Variants in CSMD1 observed in about 807,000 individuals in gnomAD.
The protein encoded by CSMD1 is CUB and Sushi multiple domains 1.
Under a neutral mutation model 417.5 loss-of-function variants are expected in CSMD1, and 213 were observed. The observed-to-expected ratio is 0.51, with a 90% CI of 0.46 to 0.57. CSMD1 has a LOEUF of 0.57. Among genes scored for constraint, CSMD1 ranks in the 20% least tolerant of loss-of-function variants. The pLI is 0.00. For synonymous variants in CSMD1, 2,862 were observed against 1,736.8 expected (o/e 1.65, Z -16.11); for missense variants, 6,923 against 4,529.7 (o/e 1.53, Z -15.17).
chr8:4,405,891 C>A (rs1398035730), intron 3 of CSMD1, among the ~76,000 whole-genome samples: 5 of 152,144 alleles, frequency 3.3e-5, no homozygotes, highest in African/African-American at 1.2e-4. Context: ...TATTTTTGGT[C>A]AATCCTAATA....
intron 5 of CSMD1, among the ~76,000 whole-genome samples, chr8:3,903,956 A>G (rs867445127): frequency 6.6e-6 from 1 of 152,004 alleles, no homozygotes; most frequent in Admixed American, 6.6e-5. Flanking sequence ...CATTTGGATT[A>G]AACCTGGAAT....
chr8:3,804,337 T>A (rs932530243), intron 5 of CSMD1, among the ~76,000 whole-genome samples: 5 of 152,146 alleles, frequency 3.3e-5, no homozygotes, highest in Non-Finnish European at 5.9e-5. Flanking sequence ...CTCTAATGCG[T>A]CTTAAAAGAA....
At chr8:4,550,039 A>G (rs79872218) in intron 2 of CSMD1, among the ~76,000 whole-genome samples, 2,571 of 152,038 alleles carry the variant, frequency 0.017, 32 homozygotes, top group Non-Finnish European at 0.028. Context: ...TGGCTGCAGC[A>G]TTCCTTTTTG....
intron 2 of CSMD1, among the ~76,000 whole-genome samples, chr8:4,614,703 A>G (rs1256237574): frequency 6.6e-6 from 1 of 152,164 alleles, no homozygotes; most frequent in Non-Finnish European, 1.5e-5. Context: ...CACACCATTC[A>G]TGGAACGAAC....
At chr8:4,768,893 G>T (rs1011531292) in intron 1 of CSMD1, among the ~76,000 whole-genome samples, 15 of 152,162 alleles carry the variant, frequency 9.9e-5, no homozygotes, top group African/African-American at 3.6e-4. Context: ...TTTCCTAGCC[G>T]AGTCTTCCAG....
At chr8:4,220,648 C>G (rs1360485942) in intron 3 of CSMD1, among the ~76,000 whole-genome samples, 3 of 152,098 alleles carry the variant, frequency 2.0e-5, no homozygotes, top group Non-Finnish European at 4.4e-5. Flanking sequence ...GGAATCAACA[C>G]AATTTGAAGA....
At chr8:3,068,587 G>T (rs934605030) in intron 49 of CSMD1, among the ~76,000 whole-genome samples, 1 of 152,220 alleles carries the variant, frequency 6.6e-6, no homozygotes, top group African/African-American at 2.4e-5. Flanking sequence ...GGCTGTACGG[G>T]AAACAAGGTG....
intron 3 of CSMD1, among the ~76,000 whole-genome samples, chr8:4,152,135 A>T (rs1796600539): frequency 6.6e-6 from 1 of 152,204 alleles, no homozygotes; most frequent in South Asian, 2.1e-4. Context: ...AAAAATATCA[A>T]CGATAATTGT....
At chr8:3,400,346 C>T (rs771998431) in intron 15 of CSMD1, among the ~76,000 whole-genome samples, 9 of 151,936 alleles carry the variant, frequency 5.9e-5, no homozygotes, top group African/African-American at 9.6e-5. Flanking sequence ...AAATAAAGTA[C>T]GTGAAAATAC....
rs561365944 is a variant in CSMD1, at chr8:3,750,107, T to A, written c.931+3823A>T. On this transcript the variant is annotated intron_variant, in intron 6 of 69. Transcript: ENST00000635120. The stretch of plus-strand genomic sequence containing the variant: ...TTAGTTGCTTTGGGCTGGGGAGGCA[T>A]TGAATATGAGGAAGGCTAGGAACCA... Among the ~76,000 whole-genome samples the A allele has an allele frequency of 3.9e-5, 6 of 152,268 alleles. No homozygotes were observed. In the East Asian group the frequency reaches 9.7e-4, roughly 25 times the overall value.
At chr8:3,892,269 A>G (rs1215650205) in intron 5 of CSMD1, among the ~76,000 whole-genome samples, 1 of 152,208 alleles carries the variant, frequency 6.6e-6, no homozygotes, top group African/African-American at 2.4e-5. Flanking sequence ...TCAATAATCC[A>G]GCACAAAGAA....
At chr8:4,846,261 A>G in intron 1 of CSMD1, among the ~76,000 whole-genome samples, 1 of 152,180 alleles carries the variant, frequency 6.6e-6, no homozygotes, top group East Asian at 1.9e-4. Flanking sequence ...AAATTTGGAA[A>G]TGTGTGAAGT....
chr8:3,180,624 T>C (rs1821262547), intron 37 of CSMD1, among the ~76,000 whole-genome samples: 1 of 152,072 alleles, frequency 6.6e-6, no homozygotes, highest in Admixed American at 6.6e-5. Flanking sequence ...TCTCATAATG[T>C]ATATTTCTTT....
At chr8:3,131,628 T>A (rs373037936) in intron 41 of CSMD1, among the ~76,000 whole-genome samples, 32 of 152,186 alleles carry the variant, frequency 2.1e-4, no homozygotes, top group African/African-American at 7.2e-4. Flanking sequence ...CCTGCCACCA[T>A]GCCCAGCTAC....
At position 4,714,821 on chromosome 8, in the gene CSMD1, T is replaced by C. The variant is rs141030802; in HGVS notation, c.86-77263A>G. On this transcript the variant is annotated intron_variant, in intron 1 of 69. Coordinates refer to ENST00000635120, the MANE Select transcript of CSMD1 (RefSeq NM_033225.6). ...AAAATAGACTCAACATTATAAACAGTAACATTAGATTTTTCTTTTGCTCCA... is the reference window on the plus strand; with the variant it reads ...AAAATAGACTCAACATTATAAACAGCAACATTAGATTTTTCTTTTGCTCCA... Among the ~76,000 whole-genome samples, 145 of 152,282 alleles carry C rather than the reference T, an allele frequency of 9.5e-4. 2 individuals are homozygous for C. The highest frequency in any genetic ancestry group is 3.4e-3 in the African/African-American group (140 of 41,574).
intron 3 of CSMD1, among the ~76,000 whole-genome samples, chr8:4,243,540 G>A (rs57119424): frequency 0.093 from 14,195 of 151,874 alleles, 931 homozygotes; most frequent in East Asian, 0.38. Flanking sequence ...AGAGAAATGG[G>A]GAAATTACCC....
intron 37 of CSMD1, among the ~76,000 whole-genome samples, chr8:3,164,021 G>C (rs989618304): frequency 6.6e-6 from 1 of 152,186 alleles, no homozygotes; most frequent in African/African-American, 2.4e-5. Context: ...GTGTTCACCA[G>C]TGCCGACCCC....
At chr8:4,268,751 T>TA (rs369276513) in intron 3 of CSMD1, among the ~76,000 whole-genome samples, 5,887 of 148,116 alleles carry the variant, frequency 0.04, 351 homozygotes, top group African/African-American at 0.13. Context: ...ATTAAATTGC[T>TA]AAAAAAAAAA....
chr8:4,808,169 A>C (rs1194577870), intron 1 of CSMD1, among the ~76,000 whole-genome samples: 3 of 152,208 alleles, frequency 2.0e-5, no homozygotes, highest in Non-Finnish European at 4.4e-5. Flanking sequence ...GTGGAGTCAC[A>C]GAGGGCGGCA....
Sources: allele counts gnomAD v4.1 joint callset (sites outside exome capture counted in the v4.1 genomes callset), GRCh38; gene constraint gnomAD v4.1.1; transcripts MANE v1.5; gene names NCBI Gene and HGNC (gene_info 2026-07-23, HGNC 2026-07-21).